Variants in TBRG1 observed in about 807,000 individuals in gnomAD.
TBRG1 encodes the protein transforming growth factor beta regulator 1.
A neutral mutation model predicts 44.0 loss-of-function variants in TBRG1; 31 were observed. The observed-to-expected ratio is 0.70, with a 90% CI of 0.53 to 0.95. The LOEUF (loss-of-function observed/expected upper bound fraction) is 0.95. Among genes scored for constraint, TBRG1 ranks in the 40% least tolerant of loss-of-function variants. The probability of loss-of-function intolerance (pLI) is 0.00; values close to 1 mark genes in which losing one functional copy is unlikely to be tolerated. For missense variants in TBRG1, 487 were observed against 496.1 expected (o/e 0.98, Z 0.18); for synonymous variants, 171 against 188.1 (o/e 0.91, Z 0.74).
intron 6 of TBRG1, 27 bp downstream of exon 6, chr11:124,630,512 G>A: frequency 4.6e-6 from 7 of 1,507,826 alleles, no homozygotes; most frequent in Non-Finnish European, 6.5e-6. Flanking sequence ...CTTGAAAACA[G>A]GCTAAAAGAT....
At chr11:124,624,173 A>G (rs1417388707) in intron 1 of TBRG1, among the ~76,000 whole-genome samples, 1 of 152,168 alleles carries the variant, frequency 6.6e-6, no homozygotes, top group Non-Finnish European at 1.5e-5. Flanking sequence ...CTATACGTCA[A>G]AGGTACCTAA....
rs1413047809 is a variant in TBRG1, at chr11:124,632,314, G to C, written c.*76G>C. On this transcript the variant is annotated 3_prime_UTR_variant, in exon 9 of 9. Transcript: ENST00000441174. ...AAACTAAAATTTTGGGTATATGAAAGAAGGCAGCAATTCAGAAGTAAAGAA... is the reference window on the plus strand; with the variant it reads ...AAACTAAAATTTTGGGTATATGAAACAAGGCAGCAATTCAGAAGTAAAGAA... 8 of 1,323,124 alleles carry C rather than the reference G, an allele frequency of 6.0e-6. No homozygotes were observed. The highest frequency in any genetic ancestry group is 7.5e-6 in the Non-Finnish European group (7 of 936,092). 82.0% of individuals were successfully genotyped at this position (1,323,124 alleles called of 1,614,324 possible).
Position 124,626,976 on chromosome 11 carries a change from T to C in TBRG1, c.664T>C (p.Tyr222His), listed in dbSNP as rs773992261. ...YPVGYCSTRI[Y>H]ASMKCPDQKC... Reference sequence around the variant, plus strand: ...CGTGGGCTATTGCAGTACTCGAATATATGCCAGCATGAAGTGCCCAGACCA... The same window carrying C: ...CGTGGGCTATTGCAGTACTCGAATACATGCCAGCATGAAGTGCCCAGACCA... Residue 222 changes from tyrosine (Y) to histidine (H), a missense_variant, in exon 5 of 9, where the codon TAT becomes CAT. By Grantham distance (83) the Tyr-to-His change is moderately conservative. Transcript: ENST00000441174. 1.1e-5 allele frequency: 18 copies of C among 1,590,290 alleles called. No individual in the cohort carries two copies. Among genetic ancestry groups the C allele is most frequent in the African/African-American group, 2.7e-5 (2 of 74,572 alleles).
Position 124,623,170 on chromosome 11 carries a change from C to G in TBRG1, c.87C>G (p.Ser29Arg), listed in dbSNP as rs1220350663. The change falls in exon 1 of 9, where the codon AGC (serine) becomes AGG (arginine). Residue 29 changes from serine (S) to arginine (R), a missense_variant. Ser to Arg is a moderately radical substitution (Grantham distance 110, BLOSUM62 -1). Coordinates refer to ENST00000441174, the MANE Select transcript of TBRG1 (RefSeq NM_032811.3). ...GGATGAAAAAGCTCCCGAAGAAGAG[C>G]CAGAATGAGAAGTACCGGCTGAAGT... Reference protein sequence around the residue: ...KARMKKLPKKSQNEKYRLKYL... With the variant: ...KARMKKLPKKRQNEKYRLKYL... 3.2e-6 allele frequency: 5 copies of G among 1,551,568 alleles called. No homozygotes were observed. Among genetic ancestry groups the G allele is most frequent in the Non-Finnish European group, 4.4e-6 (5 of 1,147,002 alleles).
chr11:124,624,363 CAAAAAAAAAA>C (rs61352898), intron 1 of TBRG1, among the ~76,000 whole-genome samples: 164 of 83,610 alleles, frequency 2.0e-3, no homozygotes, highest in Non-Finnish European at 2.7e-3. Context: ...TCATCATTTA[CAAAAAAAAAA>C]AAAAAAAAAA....
Position 124,632,184 on chromosome 11 carries a change from C to A in TBRG1, c.1182C>A (p.His394Gln). The change falls in exon 9 of 9, where the codon CAC becomes CAA. Residue 394 changes from histidine (H) to glutamine (Q), a missense_variant. By Grantham distance (24) the His-to-Gln change is conservative (BLOSUM62 0). Coordinates refer to ENST00000441174, the MANE Select transcript of TBRG1 (RefSeq NM_032811.3). ...YLTHEPLVDT[H>Q]LQHLKSPSQG... ...CACATGAACCCTTGGTAGATACTCA[C>A]CTGCAGCACTTGAAGTCTCCATCAC... The A allele has an allele frequency of 6.2e-7, 1 of 1,613,694 alleles. No individual in the cohort carries two copies. The highest frequency in any genetic ancestry group is 8.5e-7 in the Non-Finnish European group (1 of 1,179,652).
intron 4 of TBRG1, 95 bp downstream of exon 4, chr11:124,626,704 T>C (rs1942480587): frequency 6.8e-7 from 1 of 1,480,854 alleles, no homozygotes; most frequent in Admixed American, 2.0e-5. Flanking sequence ...AGCAGCCTCT[T>C]GCTGATCCAT....
At chr11:124,625,186 G>A (rs918607776) in intron 2 of TBRG1, among the ~76,000 whole-genome samples, 185 bp downstream of exon 2, 1 of 152,180 alleles carries the variant, frequency 6.6e-6, no homozygotes, top group African/African-American at 2.4e-5. Context: ...GCACACCCAA[G>A]TTATGTTGGG....
intron 6 of TBRG1, 72 bp from the exon 7 acceptor site, chr11:124,630,673 A>T: frequency 8.6e-7 from 1 of 1,168,666 alleles, no homozygotes. Context: ...TGTTCATACC[A>T]CTATTCTGTT....
intron 6 of TBRG1, 57 bp from the exon 7 acceptor site, chr11:124,630,688 A>T: frequency 7.7e-7 from 1 of 1,301,464 alleles, no homozygotes; most frequent in Non-Finnish European, 1.1e-6. Context: ...TCTGTTCTTA[A>T]ATCCATCTTC....
intron 5 of TBRG1, chr11:124,629,875 T>G (rs1203837785): frequency 6.5e-6 from 1 of 153,284 alleles, no homozygotes; most frequent in East Asian, 1.9e-4. Context: ...TTGTTACATT[T>G]GTTACAAAAA....
rs1942685933 is a variant in TBRG1 at position 124,634,755 on chromosome 11, T to C, written c.*2517T>C. ...TCTATTATTTACATAAGAAAATTAT[T>C]TTGGTAAAGTAAGTAAGTCAAAAAC... On this transcript the variant is annotated 3_prime_UTR_variant, in exon 9 of 9. Transcript: ENST00000441174. 6.6e-6 allele frequency: 1 copy of C among 152,202 alleles called. No homozygotes were observed. The highest frequency in any genetic ancestry group is 1.5e-5 in the Non-Finnish European group (1 of 68,046). The allele number at this position is 152,202 out of a possible 1,614,324, so 9.4% of individuals were successfully genotyped here. A position where few individuals can be genotyped will look rare whatever the true frequency, so the allele number is the denominator to read the frequency against.
intron 5 of TBRG1, among the ~76,000 whole-genome samples, chr11:124,629,393 T>C (rs1942562133): frequency 6.6e-6 from 1 of 152,154 alleles, no homozygotes; most frequent in South Asian, 2.1e-4. Context: ...GGTTTTTTCA[T>C]TTATTAGCTG....
intron 5 of TBRG1, chr11:124,630,101 T>C (rs1355425851): frequency 6.7e-6 from 2 of 297,356 alleles, no homozygotes; most frequent in Non-Finnish European, 1.3e-5. Context: ...TTTGTATTTG[T>C]ACTTAAGGAT....
At chr11:124,624,331 G>A (rs540879855) in intron 1 of TBRG1, among the ~76,000 whole-genome samples, 65 of 143,454 alleles carry the variant, frequency 4.5e-4, no homozygotes, top group Middle Eastern at 7.8e-3. Context: ...CTTCAGGATT[G>A]GTGCTTGGGA....
At chr11:124,628,875 T>G (rs1254341692) in intron 5 of TBRG1, among the ~76,000 whole-genome samples, 2 of 152,138 alleles carry the variant, frequency 1.3e-5, no homozygotes, top group Admixed American at 6.5e-5. Flanking sequence ...CAAAGTAACA[T>G]GTAACAATGT....
At position 124,632,280 on chromosome 11, in the gene TBRG1, ATTTAAC is replaced by A. The variant is rs1288004806; in HGVS notation, c.*45_*50del. On this transcript the variant is annotated 3_prime_UTR_variant, in exon 9 of 9. Transcript: ENST00000441174. ...TGCCACATCGTTTTTGTCGTGATTAATTTAACTTAAACTAAAATTTTGGGTATATGA... is the reference window on the plus strand; with the variant it reads ...TGCCACATCGTTTTTGTCGTGATTAATTAAACTAAAATTTTGGGTATATGA... 2.5e-6 allele frequency: 4 copies of A among 1,593,440 alleles called. No homozygotes were observed. The highest frequency in any genetic ancestry group is 3.4e-6 in the Non-Finnish European group (4 of 1,168,090).
In TBRG1 at chr11:124,626,610, G is replaced by A; in HGVS notation, c.591+1G>A. On this transcript the variant is annotated splice_donor_variant, in intron 4 of 8. Coordinates refer to ENST00000441174, the MANE Select transcript of TBRG1 (RefSeq NM_032811.3). LOFTEE classifies it high-confidence loss of function. ...TCTAACAGTATATAGCCTGGGGGAG[G>A]TGAGTGAGACCAGCGATATATAGAG... The A allele has an allele frequency of 6.4e-7, 1 of 1,551,670 alleles. No homozygotes were observed. Among genetic ancestry groups the A allele is most frequent in the Non-Finnish European group, 8.7e-7 (1 of 1,146,954 alleles).
intron 3 of TBRG1, 124 bp from the exon 4 acceptor site, chr11:124,626,349 G>A: frequency 1.1e-6 from 1 of 893,002 alleles, no homozygotes; most frequent in South Asian, 1.8e-5. Flanking sequence ...AGCCCCATAT[G>A]CCCATTCAGT....
Sources: gnomAD v4.1 joint callset for allele counts (sites outside exome capture counted in the v4.1 genomes callset) on GRCh38, gnomAD v4.1.1 for gene constraint, MANE v1.5 for transcripts, NCBI Gene and HGNC (gene_info 2026-07-23, HGNC 2026-07-21) for gene names.